The following CACNA1E variants were observed in gnomAD, a reference collection of about 807,000 sequenced individuals.
CACNA1E encodes the protein calcium voltage-gated channel subunit alpha1 E.
In CACNA1E, 40 loss-of-function variants were observed where a neutral mutation model predicts 259.2. The ratio of observed to expected loss-of-function variants is 0.15; its 90% CI spans 0.12 to 0.20. The LOEUF is 0.20. Ranked by LOEUF, CACNA1E falls within the 10% of genes least tolerant of loss-of-function variation. The probability of loss-of-function intolerance (pLI) is 1.00; values close to 1 mark genes in which losing one functional copy is unlikely to be tolerated. For synonymous variants in CACNA1E, 1,104 were observed against 1,138.5 expected, an observed-to-expected ratio of 0.97 and a Z score of 0.61; for missense variants, 1,874 against 3,040.1, an observed-to-expected ratio of 0.62 and a Z score of 9.02.
At chr1:181,797,168 T>C (rs923222058) in intron 47 of CACNA1E, among the ~76,000 whole-genome samples, 1 of 152,182 alleles carries the variant, frequency 6.6e-6, no homozygotes, top group Non-Finnish European at 1.5e-5. Context: ...GATGGTCCTT[T>C]AGCCAGAAAG....
intron 2 of CACNA1E, among the ~76,000 whole-genome samples, chr1:181,435,850 A>C (rs1660049390): frequency 6.6e-6 from 1 of 152,222 alleles, no homozygotes; most frequent in Admixed American, 6.5e-5. Flanking sequence ...ATTGATAACA[A>C]AATACTGTGC....
chr1:181,732,253 C>T lies in CACNA1E; in HGVS notation c.2298-131C>T. ...TGCTCCTCGCATCTTTCTGTGCTTCCTGTCTGCAGGTCCTGGGCACTCCCA... is the reference window on the plus strand; with the variant it reads ...TGCTCCTCGCATCTTTCTGTGCTTCTTGTCTGCAGGTCCTGGGCACTCCCA... On this transcript the variant is annotated intron_variant, in intron 19 of 47. Transcript: ENST00000367573. This position sits in a 1 kb window ranked among gnomAD's most constrained non-coding sequence, Gnocchi z 5.5. 1 of 1,331,472 alleles carries T rather than the reference C, an allele frequency of 7.5e-7. No homozygotes were observed. The highest frequency in any genetic ancestry group is 9.7e-7 in the Non-Finnish European group (1 of 1,029,348). 82.5% of individuals were successfully genotyped at this position (1,331,472 alleles called of 1,614,324 possible). A position where few individuals can be genotyped will look rare whatever the true frequency, so the allele number is the denominator to read the frequency against.
chr1:181,378,411 C>G (rs1655243582), intron 1 of CACNA1E, among the ~76,000 whole-genome samples: 3 of 152,196 alleles, frequency 2.0e-5, no homozygotes, highest in Non-Finnish European at 4.4e-5. Flanking sequence ...AGATTCCAGG[C>G]TGCATTTCAG....
chr1:181,711,931 C>G (rs1039173419), intron 8 of CACNA1E, among the ~76,000 whole-genome samples: 7 of 152,132 alleles, frequency 4.6e-5, no homozygotes, highest in African/African-American at 1.7e-4. Flanking sequence ...GAGCAGAGGA[C>G]TGACGTGCTG....
At chr1:181,339,243 C>A (rs866063770) in intron 1 of CACNA1E, among the ~76,000 whole-genome samples, 1 of 152,104 alleles carries the variant, frequency 6.6e-6, no homozygotes, top group African/African-American at 2.4e-5. Context: ...CTGTGTATCA[C>A]GTTGGGCAGT....
intron 25 of CACNA1E, among the ~76,000 whole-genome samples, chr1:181,740,550 A>G (rs543544401): frequency 1.3e-5 from 2 of 152,128 alleles, no homozygotes; most frequent in East Asian, 3.9e-4. Context: ...TCTCTCTCTT[A>G]AGGAGAGGTA....
intron 3 of CACNA1E, among the ~76,000 whole-genome samples, chr1:181,576,886 C>A (rs1651031440): frequency 1.3e-5 from 2 of 152,134 alleles, no homozygotes; most frequent in African/African-American, 4.8e-5. Context: ...GACCACGATA[C>A]CCCCTTATTT....
Position 181,442,878 on chromosome 1 carries a change from G to A in CACNA1E, c.434+29298G>A, listed in dbSNP as rs890165491. On this transcript the variant is annotated intron_variant, in intron 2 of 11. Coordinates refer to the CACNA1E transcript ENST00000524607. The stretch of plus-strand genomic sequence containing the variant: ...TGCAGCTGTGCCCACTGTCCCATAC[G>A]TGGGCTGCTCCCTCTGCAGGAAGTC... 2.0e-5 allele frequency among the ~76,000 whole-genome samples: 3 copies of A among 152,156 alleles called. 1 individual carries two copies. Among genetic ancestry groups the A allele is most frequent in the Admixed American group, 1.3e-4 (2 of 15,274 alleles).
Position 181,641,903 on chromosome 1 carries a change from G to C in CACNA1E, c.952-9435G>C, listed in dbSNP as rs139469988. ...TAATTTTTGTATTTTTAGTAGAGAC[G>C]GGGTTTCACCATCTTGGCCAGGCTG... On this transcript the variant is annotated intron_variant, in intron 6 of 47. Transcript: ENST00000367573. 8.8e-3 allele frequency among the ~76,000 whole-genome samples: 1,340 copies of C among 151,740 alleles called. 23 individuals carry two copies. Among genetic ancestry groups the C allele is most frequent in the African/African-American group, 0.031 (1,288 of 41,360 alleles).
At position 181,794,904 on chromosome 1, in the gene CACNA1E, C is replaced by T. The variant is rs1183387929; in HGVS notation, c.6068C>T (p.Thr2023Ile). The T allele has an allele frequency of 6.2e-7, 1 of 1,613,848 alleles. No homozygotes were observed. The highest frequency in any genetic ancestry group is 1.7e-5 in the Admixed American group (1 of 60,014). ...AGCTCCATGAGACGTTCATTTTCCA[C>T]TATTCGGGATAAGCGTTCAAATTCC... is the stretch of plus-strand genomic sequence containing the variant. ...DPSSMRRSFS[T>I]IRDKRSNSSW... Residue 2023 changes from threonine to isoleucine, a missense_variant, in exon 46 of 48, where the codon ACT becomes ATT. Transcript: ENST00000367573.
intron 46 of CACNA1E, among the ~76,000 whole-genome samples, chr1:181,795,516 C>T (rs1661712953): frequency 1.3e-5 from 2 of 150,852 alleles, no homozygotes; most frequent in African/African-American, 4.9e-5. Context: ...TCTCGGCTCA[C>T]TGCAAGCTCT....
intron 6 of CACNA1E, among the ~76,000 whole-genome samples, chr1:181,635,881 C>T (rs544335418): frequency 6.6e-6 from 1 of 152,246 alleles, no homozygotes; most frequent in East Asian, 1.9e-4. Context: ...GTACTAGCTA[C>T]CTAGAGAAAC....
chr1:181,483,975 T>C lies in CACNA1E; in HGVS notation c.231T>C (p.Ile77=). The C allele has an allele frequency of 6.2e-7, 1 of 1,613,752 alleles. No homozygotes were observed. ...TGTTCATCTTCGGAGAAGATAACAT[T>C]GTCAGGAAATATGCCAAGAAGCTCA... ...RSLFIFGEDN[I]VRKYAKKLID... is the part of the protein sequence containing the mutation. The change falls in exon 1 of 48, where the codon ATT becomes ATC. Residue 77 remains isoleucine (I), a synonymous_variant. Coordinates refer to ENST00000367573, the MANE Select transcript of CACNA1E (RefSeq NM_001205293.3).
chr1:181,324,570 G>A (rs538896326), intron 1 of CACNA1E, among the ~76,000 whole-genome samples: 1 of 152,312 alleles, frequency 6.6e-6, no homozygotes, highest in East Asian at 1.9e-4. Context: ...TCAGTACCTA[G>A]CATAGTACTG....
At chr1:181,436,920 C>T (rs1660125841) in intron 2 of CACNA1E, among the ~76,000 whole-genome samples, 1 of 152,122 alleles carries the variant, frequency 6.6e-6, no homozygotes. Context: ...TTGATTTTAT[C>T]ATGTAAAATC....
At position 181,639,885 on chromosome 1, in the gene CACNA1E, A is replaced by C. The variant is rs1327489111; in HGVS notation, c.952-11453A>C. Reference sequence around the variant, plus strand: ...ATCACAAATCAAGAGATGAGTAAAGAGAAGGGGGTTGGGAATGGCAGAATT... The same window carrying C: ...ATCACAAATCAAGAGATGAGTAAAGCGAAGGGGGTTGGGAATGGCAGAATT... On this transcript the variant is annotated intron_variant, in intron 6 of 47. Coordinates refer to ENST00000367573, the MANE Select transcript of CACNA1E (RefSeq NM_001205293.3). 2.0e-5 allele frequency among the ~76,000 whole-genome samples: 3 copies of C among 152,284 alleles called. No homozygotes were observed. The East Asian group carries it at 5.8e-4, about 29-fold the overall frequency.
intron 6 of CACNA1E, among the ~76,000 whole-genome samples, chr1:181,597,273 G>A (rs1653275599): frequency 6.6e-6 from 1 of 152,178 alleles, no homozygotes; most frequent in Non-Finnish European, 1.5e-5. Context: ...TCTGTAGTGA[G>A]CAGAGGTGGA....
In CACNA1E at chr1:181,511,505, C is replaced by G. The variant is rs779966748; in HGVS notation, c.507C>G (p.Leu169=). ...GWNVMDFIVV[L]SGILATAGTH... ...ATGTCATGGACTTCATCGTGGTCCTCAGTGGGTAAGTCCATTTTCTCTCTC... is the reference window on the plus strand; with the variant it reads ...ATGTCATGGACTTCATCGTGGTCCTGAGTGGGTAAGTCCATTTTCTCTCTC... Residue 169 remains leucine (L), a synonymous_variant, in exon 3 of 48, where the codon CTC becomes CTG. Transcript: ENST00000367573. The G allele has an allele frequency of 6.2e-7, 1 of 1,613,578 alleles. No homozygotes were observed.
intron 1 of CACNA1E, among the ~76,000 whole-genome samples, chr1:181,367,519 A>T (rs1385160089): frequency 1.3e-5 from 2 of 149,600 alleles, no homozygotes; most frequent in African/African-American, 4.9e-5. Flanking sequence ...TTTCCAGACG[A>T]ACTTGATTTG....
Sources: allele counts gnomAD v4.1 joint callset (sites outside exome capture counted in the v4.1 genomes callset), GRCh38; gene constraint gnomAD v4.1.1; non-coding constraint Gnocchi (gnomAD v3.1); transcripts MANE v1.5; gene names NCBI Gene and HGNC (gene_info 2026-07-23, HGNC 2026-07-21).